Variants in SPRR1A observed in about 807,000 individuals in gnomAD.
The protein encoded by SPRR1A is small proline rich protein 1A.
For missense variants in SPRR1A, 123 were observed against 105.4 expected (o/e 1.17, Z -0.73); for synonymous variants, 40 against 39.2 (o/e 1.02, Z -0.07).
At chr1:152,985,649 A>G (rs1652294835), downstream of SPRR1A, 30 of 1,381,498 alleles carry the variant, frequency 2.2e-5, no homozygotes, top group South Asian at 2.8e-4. Context: ...CTCTAAAAAG[A>G]TGTCCCTTAC....
exon 1 of SPRR1A, chr1:152,985,426 C>A (rs1303621766): frequency 6.3e-7 from 1 of 1,582,124 alleles, no homozygotes. Flanking sequence ...AGAGCCCTGC[C>A]AGCCCAAGGT....
At chr1:152,984,465 T>C (rs1652248161), upstream of SPRR1A, among the ~76,000 whole-genome samples, 1 of 152,052 alleles carries the variant, frequency 6.6e-6, no homozygotes, top group African/African-American at 2.4e-5. Flanking sequence ...AAATTTTAAT[T>C]TATTAGATGG....
At chr1:152,985,514 C>T, downstream of SPRR1A, 1 of 1,606,432 alleles carries the variant, frequency 6.2e-7, no homozygotes, top group Non-Finnish European at 8.5e-7. Context: ...GGTCCACAGC[C>T]ATGCCCTTGA....
At chr1:152,985,347 G>A in exon 1 of SPRR1A, 2 of 1,598,136 alleles carry the variant, frequency 1.3e-6, no homozygotes, top group Non-Finnish European at 1.7e-6. Context: ...AAACCAAGGA[G>A]CCCTGCCACC....
upstream of SPRR1A, among the ~76,000 whole-genome samples, chr1:152,984,512 G>A (rs1611758): frequency 0.027 from 4,064 of 152,216 alleles, 158 homozygotes; most frequent in African/African-American, 0.093. Context: ...AAGGCAGTAT[G>A]CTAGGCACTT....
At chr1:152,985,247 A>G in exon 1 of SPRR1A, 1 of 1,609,406 alleles carries the variant, frequency 6.2e-7, no homozygotes, top group South Asian at 1.1e-5. Flanking sequence ...TCTCAGCAGC[A>G]GAAGCAGCCT....
chr1:152,985,624 A>G (rs1196597831), downstream of SPRR1A: 4 of 1,466,980 alleles, frequency 2.7e-6, no homozygotes, highest in Non-Finnish European at 3.6e-6. Flanking sequence ...CTGAATCATA[A>G]TCGCTCCTTT....
At chr1:152,984,934 G>T (rs1182324001), upstream of SPRR1A, among the ~76,000 whole-genome samples, 1 of 152,174 alleles carries the variant, frequency 6.6e-6, no homozygotes, top group Non-Finnish European at 1.5e-5. Context: ...GCCAGCTTTA[G>T]TAGGGCATTT....
chr1:152,984,766 G>A (rs1327849088), upstream of SPRR1A, among the ~76,000 whole-genome samples: 1 of 151,878 alleles, frequency 6.6e-6, no homozygotes, highest in African/African-American at 2.4e-5. Flanking sequence ...CATTTGGAAG[G>A]GACTGTGTAA....
At chr1:152,985,556 T>C (rs1042181137), downstream of SPRR1A, 4 of 1,549,176 alleles carry the variant, frequency 2.6e-6, no homozygotes, top group African/African-American at 4.1e-5. Context: ...AACACCCTAC[T>C]CCATTCTGCT....
Position 152,985,457 on chromosome 1 carries a change from C to T in SPRR1A, c.227C>T (p.Thr76Met), listed in dbSNP as rs151244576. 76 of 1,613,790 alleles carry T rather than the reference C, an allele frequency of 4.7e-5. No homozygotes were observed. The highest frequency in any genetic ancestry group is 8.9e-5 in the East Asian group (4 of 44,846). ...AAGGTGCCTGAGCCCTGCCCTTCAA[C>T]GGTCACTCCAGCACCAGCCCAGCAG... Residue 76 changes from threonine to methionine, a missense_variant, in exon 1 of 1, where the codon ACG (threonine) becomes ATG (methionine). Transcript: ENST00000368762.
exon 1 of SPRR1A, chr1:152,985,463 C>T (rs770920865): frequency 3.7e-6 from 6 of 1,613,874 alleles, no homozygotes; most frequent in African/African-American, 1.3e-5. Flanking sequence ...TCAACGGTCA[C>T]TCCAGCACCA....
At chr1:152,984,509 T>G (rs1316712047), upstream of SPRR1A, among the ~76,000 whole-genome samples, 1 of 152,192 alleles carries the variant, frequency 6.6e-6, no homozygotes, top group Non-Finnish European at 1.5e-5. Context: ...TTTAAGGCAG[T>G]ATGCTAGGCA....
At chr1:152,985,133 C>T (rs1184805647), upstream of SPRR1A, 1 of 1,491,856 alleles carries the variant, frequency 6.7e-7, no homozygotes, top group South Asian at 1.4e-5. Flanking sequence ...CTAAAGGGTC[C>T]TGAAATAAAA....
upstream of SPRR1A, among the ~76,000 whole-genome samples, chr1:152,985,008 G>A (rs942374134): frequency 1.3e-5 from 2 of 152,102 alleles, no homozygotes; most frequent in Non-Finnish European, 2.9e-5. Context: ...CCAATAAAAT[G>A]GAGCAGAAGA....
downstream of SPRR1A, chr1:152,985,593 T>G (rs1012289691): frequency 5.3e-6 from 8 of 1,519,884 alleles, no homozygotes; most frequent in Non-Finnish European, 7.1e-6. Context: ...CTATTGACCC[T>G]GCAGTTAGCA....
upstream of SPRR1A, among the ~76,000 whole-genome samples, chr1:152,984,254 C>G (rs1652236648): frequency 6.6e-6 from 1 of 152,220 alleles, no homozygotes; most frequent in East Asian, 1.9e-4. Context: ...AGTGGAATAT[C>G]TTTATTTTAA....
downstream of SPRR1A, chr1:152,985,606 C>T: frequency 2.7e-6 from 4 of 1,500,854 alleles, no homozygotes; most frequent in Non-Finnish European, 3.6e-6. Flanking sequence ...AGTTAGCATG[C>T]TGTCACCCTG....
At chr1:152,985,633 T>C, downstream of SPRR1A, 1 of 1,434,254 alleles carries the variant, frequency 7.0e-7, no homozygotes, top group South Asian at 1.5e-5. Flanking sequence ...AATCGCTCCT[T>C]TGCACCTCTA....
Sources: gnomAD v4.1 joint callset for allele counts (sites outside exome capture counted in the v4.1 genomes callset) on GRCh38, gnomAD v4.1.1 for gene constraint, MANE v1.5 for transcripts, NCBI Gene and HGNC (gene_info 2026-07-23, HGNC 2026-07-21) for gene names.